CTNND2: variants seen among roughly 807,000 people sequenced by gnomAD.
CTNND2 encodes catenin delta 2.
In CTNND2, 22 loss-of-function variants were observed where a neutral mutation model predicts 144.4. The ratio of observed to expected loss-of-function variants is 0.15; its 90% CI spans 0.11 to 0.22. The LOEUF is 0.22. Ranked by LOEUF, CTNND2 falls within the 10% of genes least tolerant of loss-of-function variation. CTNND2 has a pLI of 1.00. For missense variants in CTNND2, 1,353 were observed against 1,618.8 expected (o/e 0.84, Z 2.82); for synonymous variants, 751 against 695.6 (o/e 1.08, Z -1.25).
chr5:11,029,214 G>A (rs1743189222), intron 16 of CTNND2, among the ~76,000 whole-genome samples: 1 of 152,016 alleles, frequency 6.6e-6, no homozygotes, highest in Non-Finnish European at 1.5e-5. Context: ...ACATATAATT[G>A]CATCATATTT....
chr5:11,426,795 G>A (rs890374422), intron 3 of CTNND2, among the ~76,000 whole-genome samples: 4 of 152,178 alleles, frequency 2.6e-5, no homozygotes, highest in African/African-American at 9.6e-5. Flanking sequence ...TCTTACTCAG[G>A]TTAGCCAATC....
intron 8 of CTNND2, among the ~76,000 whole-genome samples, chr5:11,349,237 C>T (rs761631171): frequency 3.9e-5 from 6 of 151,984 alleles, no homozygotes; most frequent in Non-Finnish European, 5.9e-5. Flanking sequence ...TGAAATCAAC[C>T]GACAGTAGGA....
chr5:11,345,521 C>A (rs927329595), intron 9 of CTNND2, among the ~76,000 whole-genome samples: 1 of 152,100 alleles, frequency 6.6e-6, no homozygotes, highest in Admixed American at 6.5e-5. Context: ...CAGGAACTTG[C>A]GTGCTCCATC....
At chr5:11,294,055 C>T (rs1385914045) in intron 9 of CTNND2, among the ~76,000 whole-genome samples, 2 of 151,392 alleles carry the variant, frequency 1.3e-5, no homozygotes, top group Non-Finnish European at 2.9e-5. Context: ...CCATGATCTG[C>T]CCTTTCAATT....
chr5:11,322,224 T>A (rs902097885), intron 9 of CTNND2, among the ~76,000 whole-genome samples: 5 of 152,206 alleles, frequency 3.3e-5, no homozygotes, highest in African/African-American at 1.2e-4. Context: ...CTGCTCCTGC[T>A]CAGCCTCCCA....
In CTNND2 at chr5:11,823,778, T is replaced by A. The variant is rs1793450061; in HGVS notation, c.37+80039A>T. ...AAGTTTTGAGGAAATATGAATTTTA[T>A]CCAGGGAAATGCTTATAATAAAAAG... On this transcript the variant is annotated intron_variant, in intron 1 of 21. Coordinates refer to ENST00000304623, the MANE Select transcript of CTNND2 (RefSeq NM_001332.4). Among the ~76,000 whole-genome samples the A allele has an allele frequency of 2.6e-5, 4 of 152,204 alleles. No individual in the cohort carries two copies. The South Asian group carries it at 8.3e-4, about 32-fold the overall frequency.
chr5:11,220,817 C>T (rs561133670), intron 10 of CTNND2, among the ~76,000 whole-genome samples: 20 of 152,318 alleles, frequency 1.3e-4, no homozygotes, highest in Admixed American at 3.9e-4. Context: ...CCTAATATAT[C>T]ACACCGTTTC....
At chr5:11,527,251 AG>A (rs1192946577) in intron 3 of CTNND2, among the ~76,000 whole-genome samples, 12 of 152,226 alleles carry the variant, frequency 7.9e-5, no homozygotes, top group African/African-American at 2.4e-4. Context: ...ATAAAAAAAA[AG>A]AAAAAACTAA....
At chr5:11,738,160 C>T (rs1219370144) in intron 1 of CTNND2, among the ~76,000 whole-genome samples, 1 of 152,126 alleles carries the variant, frequency 6.6e-6, no homozygotes, top group Non-Finnish European at 1.5e-5. Flanking sequence ...GCATGTGTCC[C>T]AACATTGCTT....
At chr5:11,174,792 G>A (rs1337762969) in intron 11 of CTNND2, among the ~76,000 whole-genome samples, 2 of 152,224 alleles carry the variant, frequency 1.3e-5, no homozygotes, top group African/African-American at 4.8e-5. Context: ...GGCAAAGCAC[G>A]CAGAACGGTG....
At chr5:11,286,431 T>G (rs193227447) in intron 9 of CTNND2, among the ~76,000 whole-genome samples, 1 of 152,180 alleles carries the variant, frequency 6.6e-6, no homozygotes, top group East Asian at 1.9e-4. Flanking sequence ...ATTAGACTCT[T>G]AAGCATAAAA....
At chr5:11,545,569 A>C (rs1775160100) in intron 3 of CTNND2, among the ~76,000 whole-genome samples, 1 of 149,110 alleles carries the variant, frequency 6.7e-6, no homozygotes, top group Non-Finnish European at 1.5e-5. Flanking sequence ...GACTGAAGGC[A>C]GGAGAATTGC....
intron 1 of CTNND2, among the ~76,000 whole-genome samples, chr5:11,781,080 A>C (rs1442386041): frequency 6.6e-6 from 1 of 152,150 alleles, no homozygotes; most frequent in Non-Finnish European, 1.5e-5. Flanking sequence ...ACACTGATAA[A>C]CTGTTTTCAA....
At chr5:11,487,581 G>A (rs1049025185) in intron 3 of CTNND2, among the ~76,000 whole-genome samples, 1 of 152,154 alleles carries the variant, frequency 6.6e-6, no homozygotes, top group Non-Finnish European at 1.5e-5. Context: ...GCTCGTCAGA[G>A]TGCACAGTTA....
intron 3 of CTNND2, among the ~76,000 whole-genome samples, chr5:11,490,030 G>A (rs1769242106): frequency 6.6e-6 from 1 of 152,148 alleles, no homozygotes; most frequent in Admixed American, 6.5e-5. Context: ...TCCCTGATGT[G>A]AATTCATGCT....
At chr5:11,637,687 C>T (rs1781784066) in intron 2 of CTNND2, among the ~76,000 whole-genome samples, 1 of 152,118 alleles carries the variant, frequency 6.6e-6, no homozygotes, top group Non-Finnish European at 1.5e-5. Flanking sequence ...CCTTAAAAAC[C>T]TGAGCAACAT....
At chr5:11,291,375 T>C (rs1441615694) in intron 9 of CTNND2, among the ~76,000 whole-genome samples, 1 of 152,194 alleles carries the variant, frequency 6.6e-6, no homozygotes, top group African/African-American at 2.4e-5. Context: ...GATTTTTCTC[T>C]GCAGTTTTTC....
chr5:11,010,223 A>AT (rs1361831335), intron 18 of CTNND2, among the ~76,000 whole-genome samples: 1 of 152,220 alleles, frequency 6.6e-6, no homozygotes, highest in Non-Finnish European at 1.5e-5. Context: ...AATTTCCTTG[A>AT]TAAAATGACA....
At chr5:11,638,364 TA>T (rs1051233212) in intron 2 of CTNND2, among the ~76,000 whole-genome samples, 1 of 152,134 alleles carries the variant, frequency 6.6e-6, no homozygotes, top group East Asian at 1.9e-4. Flanking sequence ...TATTGCTTTA[TA>T]AAAAAATAGC....
Sources: allele counts gnomAD v4.1 joint callset (sites outside exome capture counted in the v4.1 genomes callset), GRCh38; gene constraint gnomAD v4.1.1; transcripts MANE v1.5; gene names NCBI Gene and HGNC (gene_info 2026-07-23, HGNC 2026-07-21).